Variants in EBF1 observed in about 807,000 individuals in gnomAD.
EBF1 encodes the protein EBF transcription factor 1, also known as transcription factor COE1.
Under a neutral mutation model 68.4 loss-of-function variants are expected in EBF1, and 10 were observed. The ratio of observed to expected loss-of-function variants is 0.15; its 90% CI spans 0.09 to 0.25. The LOEUF (loss-of-function observed/expected upper bound fraction) is 0.25. Ranked by LOEUF, EBF1 falls within the 10% of genes least tolerant of loss-of-function variation. The probability of loss-of-function intolerance (pLI) is 1.00; values close to 1 mark genes in which losing one functional copy is unlikely to be tolerated. For missense variants in EBF1, 509 were observed against 794.4 expected (o/e 0.64, Z 4.32); for synonymous variants, 298 against 299.8 (o/e 0.99, Z 0.06).
rs1360468757 is a variant in EBF1 at position 158,696,263 on chromosome 5, G to A, written c.*2848C>T. ...CTTAAAGCCATATTCTGTATTTAGG[G>A]GAACATCTTTTATTTGTAAAACTTT... On this transcript the variant is annotated 3_prime_UTR_variant, in exon 16 of 16. Coordinates refer to ENST00000313708, the MANE Select transcript of EBF1 (RefSeq NM_024007.5). 9.1e-6 allele frequency: 2 copies of A among 219,238 alleles called. No individual in the cohort carries two copies. Among genetic ancestry groups the A allele is most frequent in the East Asian group, 1.3e-4 (2 of 14,990 alleles). The allele number at this position is 219,238 out of a possible 1,614,324, so 13.6% of individuals were successfully genotyped here. A position where few individuals can be genotyped will look rare whatever the true frequency, so the allele number is the denominator to read the frequency against.
intron 6 of EBF1, among the ~76,000 whole-genome samples, chr5:158,918,968 T>G (rs1372651009): frequency 1.3e-5 from 2 of 152,230 alleles, no homozygotes; most frequent in African/African-American, 2.4e-5. Flanking sequence ...ACTAAGGCAT[T>G]CATTATCCAT....
intron 6 of EBF1, among the ~76,000 whole-genome samples, chr5:158,846,922 G>T (rs184853743): frequency 1.1e-3 from 164 of 152,292 alleles, no homozygotes; most frequent in South Asian, 9.5e-3. Context: ...GGAGGAATAA[G>T]ATCCTGGAGG....
chr5:158,724,281 T>C (rs1197840545), intron 11 of EBF1, among the ~76,000 whole-genome samples: 1 of 152,154 alleles, frequency 6.6e-6, no homozygotes, highest in East Asian at 1.9e-4. Context: ...CAGGATATAA[T>C]GTTAATCGAG....
intron 5 of EBF1, among the ~76,000 whole-genome samples, chr5:159,080,972 A>G (rs1406074173): frequency 6.6e-6 from 1 of 152,130 alleles, no homozygotes; most frequent in Non-Finnish European, 1.5e-5. Flanking sequence ...CCTGTGGTCC[A>G]GTACATTTTT....
chr5:158,918,512 A>G lies in EBF1; in HGVS notation c.555-78402T>C, dbSNP rs548869801. On this transcript the variant is annotated intron_variant, in intron 6 of 15. Transcript: ENST00000313708. ...GATTACCATTAGTGTTACGAGACAGAGAATTAGTAAGAGATAAAGAGATTG... is the reference window on the plus strand; with the variant it reads ...GATTACCATTAGTGTTACGAGACAGGGAATTAGTAAGAGATAAAGAGATTG... 2.6e-5 allele frequency among the ~76,000 whole-genome samples: 4 copies of G among 152,274 alleles called. No individual in the cohort carries two copies. The East Asian group carries it at 5.8e-4, about 22-fold the overall frequency.
intron 6 of EBF1, among the ~76,000 whole-genome samples, chr5:159,031,021 A>C (rs532134547): frequency 6.6e-6 from 1 of 152,170 alleles, no homozygotes; most frequent in Non-Finnish European, 1.5e-5. Flanking sequence ...AAAAATACAA[A>C]AAGTTAGCCA....
intron 6 of EBF1, among the ~76,000 whole-genome samples, chr5:158,882,147 G>A (rs1799019933): frequency 1.3e-5 from 2 of 152,150 alleles, no homozygotes; most frequent in South Asian, 4.1e-4. Context: ...TACTGTGCAA[G>A]GATTTTATTG....
chr5:159,012,387 C>G (rs2127684331), intron 6 of EBF1, among the ~76,000 whole-genome samples: 1 of 152,270 alleles, frequency 6.6e-6, no homozygotes, highest in Middle Eastern at 3.4e-3. Context: ...ATCATGGCCA[C>G]TGCCATGGGC....
intron 6 of EBF1, among the ~76,000 whole-genome samples, chr5:159,032,917 G>C (rs1584113864): frequency 6.6e-6 from 1 of 152,082 alleles, no homozygotes; most frequent in South Asian, 2.1e-4. Flanking sequence ...GGGAAGGAAA[G>C]CAAGACTTAA....
At chr5:158,710,860 C>T (rs1339930889) in intron 14 of EBF1, among the ~76,000 whole-genome samples, 1 of 152,134 alleles carries the variant, frequency 6.6e-6, no homozygotes, top group Non-Finnish European at 1.5e-5. Context: ...TCTATCCTTC[C>T]ACAAATATCT....
At chr5:158,855,540 C>G (rs1020442937) in intron 6 of EBF1, among the ~76,000 whole-genome samples, 5 of 152,162 alleles carry the variant, frequency 3.3e-5, no homozygotes, top group African/African-American at 1.2e-4. Context: ...GGGATTTGGC[C>G]CTAGTTCTCT....
chr5:158,906,925 A>T (rs1243877821), intron 6 of EBF1, among the ~76,000 whole-genome samples: 1 of 152,260 alleles, frequency 6.6e-6, no homozygotes, highest in Non-Finnish European at 1.5e-5. Flanking sequence ...AATTTCAAAT[A>T]GAAGTTGAGT....
chr5:158,823,344 A>C, intron 7 of EBF1, 27 bp from the exon 8 acceptor site: 4 of 1,588,484 alleles, frequency 2.5e-6, no homozygotes, highest in Non-Finnish European at 3.4e-6. Flanking sequence ...GAAATGAATG[A>C]ACATTTTAAT....
chr5:159,046,032 C>G (rs1244261570), intron 6 of EBF1, among the ~76,000 whole-genome samples: 1 of 152,118 alleles, frequency 6.6e-6, no homozygotes, highest in Non-Finnish European at 1.5e-5. Context: ...CATTACTATC[C>G]CAGTAACTTC....
chr5:159,043,614 T>A (rs1584214112), intron 6 of EBF1, among the ~76,000 whole-genome samples: 1 of 152,184 alleles, frequency 6.6e-6, no homozygotes, highest in Non-Finnish European at 1.5e-5. Flanking sequence ...CAATTTAGAT[T>A]CAAATTATGT....
At position 159,084,853 on chromosome 5, in the gene EBF1, G is replaced by A. The variant is rs1780363508; in HGVS notation, c.412-114C>T. The A allele has an allele frequency of 5.0e-6, 4 of 793,010 alleles. No homozygotes were observed. In the South Asian group the frequency reaches 9.9e-5, roughly 20 times the overall value. 49.1% of individuals were successfully genotyped at this position (793,010 alleles called of 1,614,324 possible). On this transcript the variant is annotated intron_variant, in intron 4 of 15. Transcript: ENST00000313708. The stretch of plus-strand genomic sequence containing the variant: ...CACTACTGAAGGCCAAATTAGCTTT[G>A]AGGAGCCAAAGACATCACTGGGTTG...
intron 6 of EBF1, among the ~76,000 whole-genome samples, chr5:158,894,653 A>G (rs1441977213): frequency 6.6e-6 from 1 of 152,190 alleles, no homozygotes; most frequent in Admixed American, 6.5e-5. Context: ...AACATCACAG[A>G]GAAGAGCAGG....
At chr5:158,711,829 A>C (rs1561704424) in intron 14 of EBF1, among the ~76,000 whole-genome samples, 1 of 151,968 alleles carries the variant, frequency 6.6e-6, no homozygotes, top group Non-Finnish European at 1.5e-5. Flanking sequence ...TAGAAGTGGG[A>C]GTTAGTAACT....
At position 158,774,712 on chromosome 5, in the gene EBF1, G is replaced by T. The variant is rs980627685; in HGVS notation, c.1036+2701C>A. Among the ~76,000 whole-genome samples the T allele has an allele frequency of 2.0e-5, 3 of 152,116 alleles. 1 individual carries two copies. The highest frequency in any genetic ancestry group is 7.2e-5 in the African/African-American group (3 of 41,454). ...CATCTCTATACCCTTACTATTAAGT[G>T]GTGACAGCAGAGGTAAACTGAGTAA... On this transcript the variant is annotated intron_variant, in intron 10 of 15. Coordinates refer to ENST00000313708, the MANE Select transcript of EBF1 (RefSeq NM_024007.5).
Sources: gnomAD v4.1 joint callset for allele counts (sites outside exome capture counted in the v4.1 genomes callset) on GRCh38, gnomAD v4.1.1 for gene constraint, MANE v1.5 for transcripts, NCBI Gene and HGNC (gene_info 2026-07-23, HGNC 2026-07-21) for gene names.